The following MTCL3 variants were observed in gnomAD, a reference collection of about 807,000 sequenced individuals.
MTCL3 encodes MTCL family member 3, also known as microtubule cross-linking factor 3.
the MTCL3 span, chr6:127,514,846 G>T: frequency 6.2e-7 from 1 of 1,613,104 alleles, no homozygotes. Context: ...TCCAGGCTGC[G>T]CAACAGCTCC....
At chr6:127,507,703 C>T in the MTCL3 span, among the ~76,000 whole-genome samples, 2 of 151,940 alleles carry the variant, frequency 1.3e-5, no homozygotes, top group Admixed American at 6.6e-5. Flanking sequence ...ATTAGCCGGG[C>T]ATAGTGGCGT....
chr6:127,503,014 G>T, the MTCL3 span, among the ~76,000 whole-genome samples: 2 of 152,176 alleles, frequency 1.3e-5, no homozygotes, highest in African/African-American at 4.8e-5. Context: ...CACCTTGGAA[G>T]TCTTCTCTCA....
At chr6:127,478,608 C>A in the MTCL3 span, among the ~76,000 whole-genome samples, 1 of 152,164 alleles carries the variant, frequency 6.6e-6, no homozygotes, top group African/African-American at 2.4e-5. Flanking sequence ...ACTAAGATTA[C>A]AGCTTGGCAC....
chr6:127,479,561 G>A, the MTCL3 span, among the ~76,000 whole-genome samples: 1 of 152,230 alleles, frequency 6.6e-6, no homozygotes, highest in Non-Finnish European at 1.5e-5. Flanking sequence ...CACTGAAGCA[G>A]AATAACACTT....
chr6:127,508,896 CA>C, the MTCL3 span, among the ~76,000 whole-genome samples: 1 of 152,190 alleles, frequency 6.6e-6, no homozygotes, highest in Non-Finnish European at 1.5e-5. Context: ...TTAACTGGAG[CA>C]AAAACTCACC....
At chr6:127,502,893 A>C in the MTCL3 span, among the ~76,000 whole-genome samples, 1 of 152,216 alleles carries the variant, frequency 6.6e-6, no homozygotes, top group Non-Finnish European at 1.5e-5. Flanking sequence ...TTACATTTGT[A>C]AAAAGTGAGA....
At chr6:127,518,164 C>G in the MTCL3 span, among the ~76,000 whole-genome samples, 1 of 152,244 alleles carries the variant, frequency 6.6e-6, no homozygotes, top group Non-Finnish European at 1.5e-5. Context: ...TACATCTTCT[C>G]TCCCAGTCGC....
chr6:127,516,116 C>T, the MTCL3 span: 3 of 1,468,858 alleles, frequency 2.0e-6, no homozygotes, highest in African/African-American at 4.3e-5. Context: ...CCCCCTCCTC[C>T]CCCTTCTCCG....
the MTCL3 span, chr6:127,515,885 C>T: frequency 1.5e-5 from 24 of 1,611,806 alleles, no homozygotes; most frequent in South Asian, 4.4e-5. The surrounding 1 kb of genome is among the most constrained non-coding windows in gnomAD (Gnocchi z 4.3). Flanking sequence ...CCTCCACCAC[C>T]GCTGCCGCCC....
chr6:127,519,086 G>A, the MTCL3 span: 1 of 152,172 alleles, frequency 6.6e-6, no homozygotes, highest in Non-Finnish European at 1.5e-5. Flanking sequence ...GAGACAAAAA[G>A]GCCAGAGCCA....
the MTCL3 span, among the ~76,000 whole-genome samples, chr6:127,490,826 A>G: frequency 1.3e-5 from 2 of 152,128 alleles, no homozygotes; most frequent in South Asian, 4.1e-4. Context: ...CAAACAAACA[A>G]ACAAACAAAC....
At chr6:127,516,169 T>C in the MTCL3 span, 2 of 1,436,358 alleles carry the variant, frequency 1.4e-6, no homozygotes, top group Non-Finnish European at 1.8e-6. Context: ...GGACTCTAGC[T>C]CCCGAGGCGG....
chr6:127,486,013 TG>T, the MTCL3 span, among the ~76,000 whole-genome samples: 1 of 152,262 alleles, frequency 6.6e-6, no homozygotes, highest in Admixed American at 6.5e-5. Flanking sequence ...AAAGAAGTGA[TG>T]GAGGTAGGGC....
the MTCL3 span, chr6:127,476,097 C>G: frequency 1.2e-6 from 2 of 1,614,064 alleles, no homozygotes; most frequent in Non-Finnish European, 1.7e-6. The surrounding 1 kb of genome is among the most constrained non-coding windows in gnomAD (Gnocchi z 4.4). Flanking sequence ...GCCGCAGCTC[C>G]GACAGGGATT....
the MTCL3 span, among the ~76,000 whole-genome samples, chr6:127,478,980 G>A: frequency 2.9e-5 from 4 of 140,308 alleles, no homozygotes; most frequent in Non-Finnish European, 6.0e-5. Flanking sequence ...TTGCGCCACT[G>A]CACTCCAGCC....
chr6:127,500,336 G>A, the MTCL3 span, among the ~76,000 whole-genome samples: 4 of 152,042 alleles, frequency 2.6e-5, no homozygotes, highest in African/African-American at 9.7e-5. Flanking sequence ...TGCCATTCCT[G>A]TGTGAAATCA....
chr6:127,500,453 A>G, the MTCL3 span, among the ~76,000 whole-genome samples: 6 of 152,356 alleles, frequency 3.9e-5, no homozygotes, highest in East Asian at 5.8e-4. Context: ...AGTTAAAACT[A>G]TGATCTCAGA....
At chr6:127,507,463 G>A in the MTCL3 span, among the ~76,000 whole-genome samples, 3 of 152,084 alleles carry the variant, frequency 2.0e-5, no homozygotes, top group East Asian at 1.9e-4. Flanking sequence ...TGGGGGCTTG[G>A]CATCTGGGTA....
chr6:127,479,621 A>T, the MTCL3 span, among the ~76,000 whole-genome samples: 1 of 152,374 alleles, frequency 6.6e-6, no homozygotes, highest in African/African-American at 2.4e-5. Context: ...ATTTGTGTGT[A>T]TGTAAGCGCT....
Sources: allele counts gnomAD v4.1 joint callset (sites outside exome capture counted in the v4.1 genomes callset), GRCh38; gene constraint gnomAD v4.1.1; non-coding constraint Gnocchi (gnomAD v3.1); transcripts MANE v1.5; gene names NCBI Gene and HGNC (gene_info 2026-07-23, HGNC 2026-07-21).